Variants in ADK observed in about 807,000 individuals in gnomAD.
ADK encodes adenosine kinase, also known as N6,N6-dimethyladenosine kinase.
In ADK, 24 loss-of-function variants were observed where a neutral mutation model predicts 44.7. The ratio of observed to expected loss-of-function variants is 0.54; its 90% CI spans 0.39 to 0.76. The LOEUF (loss-of-function observed/expected upper bound fraction) is 0.76. Among genes scored for constraint, ADK ranks in the 30% least tolerant of loss-of-function variants. The pLI is 0.00. For synonymous variants in ADK, 128 were observed against 142.6 expected, an observed-to-expected ratio of 0.90 and a Z score of 0.73; for missense variants, 321 against 425.1, an observed-to-expected ratio of 0.76 and a Z score of 2.15.
intron 4 of ADK, among the ~76,000 whole-genome samples, chr10:74,382,854 A>C (rs1260138335): frequency 6.6e-6 from 1 of 151,992 alleles, no homozygotes; most frequent in African/African-American, 2.4e-5. Flanking sequence ...CCCTTGGTGT[A>C]GGTGGCCTAG....
chr10:74,582,467 C>A (rs1589270011), intron 7 of ADK, among the ~76,000 whole-genome samples: 1 of 152,046 alleles, frequency 6.6e-6, no homozygotes, highest in South Asian at 2.1e-4. Flanking sequence ...GTCTGTCTTA[C>A]GTTTTGATGA....
At chr10:74,676,074 A>T (rs1313570574) in intron 10 of ADK, among the ~76,000 whole-genome samples, 3 of 150,874 alleles carry the variant, frequency 2.0e-5, no homozygotes, top group Non-Finnish European at 1.5e-5. Flanking sequence ...TTCATTAAGT[A>T]TGGTTAAAAG....
intron 7 of ADK, among the ~76,000 whole-genome samples, chr10:74,555,323 C>T (rs1850199120): frequency 6.6e-6 from 1 of 152,018 alleles, no homozygotes; most frequent in African/African-American, 2.4e-5. Context: ...CTATATTTAA[C>T]TGATTAAACT....
intron 6 of ADK, among the ~76,000 whole-genome samples, chr10:74,480,087 A>G (rs1393391393): frequency 6.6e-6 from 1 of 151,726 alleles, no homozygotes; most frequent in Non-Finnish European, 1.5e-5. Flanking sequence ...ATTACTTTAT[A>G]CTTTTTCCTA....
rs1376755419 is a variant in ADK, at chr10:74,525,282, G to T, written c.582G>T (p.Glu194Asp). ...IAGFFLTVSP[E>D]SVLKVAHHAS... Reference sequence around the variant, plus strand: ...GCTTTTTTCTTACAGTTTCCCCAGAGTCAGTATTAAAGGTGGCTCACCATG... The same window carrying T: ...GCTTTTTTCTTACAGTTTCCCCAGATTCAGTATTAAAGGTGGCTCACCATG... Residue 194 changes from glutamate to aspartate, a missense_variant, in exon 7 of 11, where the codon GAG becomes GAT. Glu to Asp is a conservative substitution (Grantham distance 45). Coordinates refer to ENST00000539909, the MANE Select transcript of ADK (RefSeq NM_006721.4). 1.9e-6 allele frequency: 3 copies of T among 1,613,714 alleles called. No homozygotes were observed. The highest frequency in any genetic ancestry group is 1.3e-5 in the African/African-American group (1 of 74,980).
At chr10:74,365,661 C>T (rs1842474934) in intron 4 of ADK, among the ~76,000 whole-genome samples, 1 of 152,032 alleles carries the variant, frequency 6.6e-6, no homozygotes, top group African/African-American at 2.4e-5. Flanking sequence ...AATTTGGATG[C>T]CCTTTATTTC....
intron 9 of ADK, chr10:74,641,356 CT>C (rs1853835530): frequency 1.3e-5 from 2 of 152,092 alleles, no homozygotes; most frequent in Non-Finnish European, 2.9e-5. Context: ...AAAAAAATAA[CT>C]TTTTAAAAAT....
At chr10:74,307,927 C>T (rs1416185982) in intron 3 of ADK, among the ~76,000 whole-genome samples, 1 of 152,082 alleles carries the variant, frequency 6.6e-6, no homozygotes, top group African/African-American at 2.4e-5. Flanking sequence ...GAACCACTGT[C>T]CTGCAGTATT....
intron 6 of ADK, among the ~76,000 whole-genome samples, chr10:74,418,000 T>C (rs1391215669): frequency 6.6e-6 from 1 of 152,176 alleles, no homozygotes; most frequent in Non-Finnish European, 1.5e-5. Context: ...TATATACAAA[T>C]AATTTTTGCC....
intron 8 of ADK, among the ~76,000 whole-genome samples, 154 bp from the exon 9 acceptor site, chr10:74,600,225 T>G (rs1852065561): frequency 1.3e-5 from 2 of 152,290 alleles, no homozygotes; most frequent in South Asian, 4.1e-4. Flanking sequence ...GCTATTCTAT[T>G]TACTTTTGTA....
intron 3 of ADK, among the ~76,000 whole-genome samples, chr10:74,262,821 C>G (rs1217635603): frequency 6.6e-6 from 1 of 152,106 alleles, no homozygotes; most frequent in Non-Finnish European, 1.5e-5. Context: ...CTCAAGAAAA[C>G]TTTTGGAGAC....
chr10:74,171,690 GC>G (rs1461366420), intron 1 of ADK, among the ~76,000 whole-genome samples: 1 of 152,094 alleles, frequency 6.6e-6, no homozygotes, highest in African/African-American at 2.4e-5. Context: ...AGTAGGATAA[GC>G]TAGGCTTTTA....
chr10:74,557,307 C>A (rs1167900005), intron 7 of ADK, among the ~76,000 whole-genome samples: 1 of 152,078 alleles, frequency 6.6e-6, no homozygotes, highest in Non-Finnish European at 1.5e-5. Flanking sequence ...TTTATCTACC[C>A]TTTCATCTCA....
intron 10 of ADK, among the ~76,000 whole-genome samples, chr10:74,702,524 T>TTCCTTCCTTCCTTCCTTCCTTCC (rs1589382755): frequency 8.3e-6 from 1 of 120,818 alleles, no homozygotes; most frequent in Non-Finnish European, 1.7e-5. Context: ...TCCTTCCTTC[T>TTCCTTCCTTCCTTCCTTCCTTCC]TTCCTTCCTT....
At chr10:74,591,529 A>G (rs2133929321) in intron 8 of ADK, among the ~76,000 whole-genome samples, 1 of 152,320 alleles carries the variant, frequency 6.6e-6, no homozygotes, top group Non-Finnish European at 1.5e-5. Flanking sequence ...AACACTATCT[A>G]GAGAAATTCA....
At chr10:74,668,918 C>T (rs769961548) in intron 9 of ADK, among the ~76,000 whole-genome samples, 9 of 150,534 alleles carry the variant, frequency 6.0e-5, no homozygotes, top group African/African-American at 9.8e-5. Context: ...TGTGGTGCTG[C>T]GTGTCTGTGG....
intron 1 of ADK, among the ~76,000 whole-genome samples, chr10:74,186,727 A>G (rs1382477467): frequency 6.6e-6 from 1 of 152,150 alleles, no homozygotes; most frequent in Non-Finnish European, 1.5e-5. Flanking sequence ...TACAGCAAGG[A>G]GTATTTTGTG....
chr10:74,184,334 A>T (rs565354164), intron 1 of ADK, among the ~76,000 whole-genome samples: 2 of 151,634 alleles, frequency 1.3e-5, no homozygotes, highest in South Asian at 2.1e-4. Flanking sequence ...ATTTATTATT[A>T]TTTTTTCTTT....
At chr10:74,584,241 T>G (rs1463086642) in intron 7 of ADK, among the ~76,000 whole-genome samples, 1 of 152,210 alleles carries the variant, frequency 6.6e-6, no homozygotes, top group Non-Finnish European at 1.5e-5. Flanking sequence ...TCCTGAGATC[T>G]TAACAAGAAC....
Sources: gnomAD v4.1 joint callset for allele counts (sites outside exome capture counted in the v4.1 genomes callset) on GRCh38, gnomAD v4.1.1 for gene constraint, MANE v1.5 for transcripts, NCBI Gene and HGNC (gene_info 2026-07-23, HGNC 2026-07-21) for gene names.